The following PYGO1 variants were observed in gnomAD, a reference collection of about 807,000 sequenced individuals.
PYGO1 encodes the protein pygopus family PHD finger 1, also known as pygopus homolog 1.
In PYGO1, 6 loss-of-function variants were observed where a neutral mutation model predicts 29.5. That is an observed-to-expected ratio of 0.20 (90% CI 0.11 to 0.40). PYGO1 has a LOEUF of 0.40. PYGO1 is among the 10% of genes least tolerant of loss of function. The pLI is 1.00. For synonymous variants in PYGO1, 186 were observed against 180.5 expected, an observed-to-expected ratio of 1.03 and a Z score of -0.24; for missense variants, 515 against 514.9, an observed-to-expected ratio of 1.00 and a Z score of 0.00.
At chr15:55,552,992 G>A (rs553191980) in intron 1 of PYGO1, among the ~76,000 whole-genome samples, 1 of 152,204 alleles carries the variant, frequency 6.6e-6, no homozygotes, top group Admixed American at 6.5e-5. Flanking sequence ...GGCTGAGACA[G>A]AGCAAGTTCC....
intron 1 of PYGO1, among the ~76,000 whole-genome samples, chr15:55,572,965 G>A (rs2058986183): frequency 6.6e-6 from 1 of 150,426 alleles, no homozygotes. Context: ...TTGAGGTCAG[G>A]AGTTCAAGAT....
In PYGO1 at chr15:55,540,686, T is replaced by C. The variant is rs1567047275; in HGVS notation, c.*5337A>G. 1.3e-5 allele frequency: 2 copies of C among 152,146 alleles called. No homozygotes were observed. The highest frequency in any genetic ancestry group is 2.9e-5 in the Non-Finnish European group (2 of 67,994). The allele number at this position is 152,146 out of a possible 1,614,324, so 9.4% of individuals were successfully genotyped here. On this transcript the variant is annotated 3_prime_UTR_variant, in exon 3 of 3. Transcript: ENST00000563719. Reference sequence around the variant, plus strand: ...CCATAGGAATAAATGTTGGACAAAGTCTGGAAACATTTTTTTTTCCAATTT... The same window carrying C: ...CCATAGGAATAAATGTTGGACAAAGCCTGGAAACATTTTTTTTTCCAATTT...
At chr15:55,552,509 AGAGAAT>A (rs1275111133) in intron 1 of PYGO1, among the ~76,000 whole-genome samples, 1 of 152,096 alleles carries the variant, frequency 6.6e-6, no homozygotes, top group Non-Finnish European at 1.5e-5. Flanking sequence ...CTTGACCCAC[AGAGAAT>A]GAAGAAAAAT....
In PYGO1 at chr15:55,541,327, C is replaced by G. The variant is rs1389241105; in HGVS notation, c.*4696G>C. The G allele has an allele frequency of 3.3e-5, 5 of 151,966 alleles. No individual in the cohort carries two copies. The highest frequency in any genetic ancestry group is 9.7e-5 in the African/African-American group (4 of 41,342). The allele number at this position is 151,966 out of a possible 1,614,324, so 9.4% of individuals were successfully genotyped here. ...TTTTATAATGCTCTACTGGATGGAACAATAAGCTACTAAAAATTAGAAATG... is the reference window on the plus strand; with the variant it reads ...TTTTATAATGCTCTACTGGATGGAAGAATAAGCTACTAAAAATTAGAAATG... On this transcript the variant is annotated 3_prime_UTR_variant, in exon 3 of 3. Transcript: ENST00000563719.
intron 1 of PYGO1, among the ~76,000 whole-genome samples, chr15:55,574,705 G>A (rs1238544322): frequency 6.6e-6 from 1 of 151,752 alleles, no homozygotes; most frequent in African/African-American, 2.4e-5. Context: ...AAAGATATAT[G>A]ATATATAAAG....
intron 1 of PYGO1, among the ~76,000 whole-genome samples, chr15:55,552,496 C>A (rs1051273489): frequency 2.0e-5 from 3 of 151,458 alleles, no homozygotes; most frequent in Non-Finnish European, 4.4e-5. Context: ...ACCAAGTGAA[C>A]AACTTGACCC....
chr15:55,549,010 AT>A lies in PYGO1; in HGVS notation c.50-16del, dbSNP rs773043428. On this transcript the variant is annotated splice_polypyrimidine_tract_variant and intron_variant, in intron 1 of 2. Coordinates refer to ENST00000563719, the MANE Select transcript of PYGO1 (RefSeq NM_001367806.1). ...ACTATCACCACCTAAAAAAAAAAAA[AT>A]TCAGGTAATATTTCCCACTTGTAAG... 4.2e-3 allele frequency: 6,326 copies of A among 1,501,902 alleles called. No homozygotes were observed. The highest frequency in any genetic ancestry group is 5.5e-3 in the Middle Eastern group (31 of 5,624). The allele number at this position is 1,501,902 out of a possible 1,614,324, so 93.0% of individuals were successfully genotyped here. A position where few individuals can be genotyped will look rare whatever the true frequency, so the allele number is the denominator to read the frequency against.
chr15:55,588,641 G>A (rs956630750), upstream of PYGO1, among the ~76,000 whole-genome samples: 1 of 150,852 alleles, frequency 6.6e-6, no homozygotes, highest in African/African-American at 2.4e-5. Context: ...CCCGCCCCGC[G>A]CCCGGCGCTC....
intron 1 of PYGO1, among the ~76,000 whole-genome samples, chr15:55,569,390 A>C (rs1299745980): frequency 3.9e-5 from 6 of 151,906 alleles, no homozygotes; most frequent in African/African-American, 1.5e-4. Context: ...TTAATTTGAG[A>C]TCTTTCTAAC....
rs1247487952 is a variant in PYGO1, at chr15:55,539,447, T to TA, written c.*6575dup. ...CCTGGTCATTAACCAAAAAAAAAAA[T>TA]AAACAATTTGGGGTAATCTAGTCAT... On this transcript the variant is annotated 3_prime_UTR_variant, in exon 3 of 3. Transcript: ENST00000563719. 6.6e-6 allele frequency: 1 copy of TA among 151,480 alleles called. No homozygotes were observed. The highest frequency in any genetic ancestry group is 1.5e-5 in the Non-Finnish European group (1 of 67,736). The allele number at this position is 151,480 out of a possible 1,614,324, so 9.4% of individuals were successfully genotyped here.
intron 1 of PYGO1, among the ~76,000 whole-genome samples, chr15:55,578,333 A>C (rs907644786): frequency 5.9e-5 from 9 of 152,144 alleles, no homozygotes; most frequent in Admixed American, 5.9e-4. Flanking sequence ...TTTTTGTACA[A>C]GTTTTTGTAT....
In PYGO1 at chr15:55,539,882, CTTA is replaced by C. The variant is rs1438175723; in HGVS notation, c.*6138_*6140del. ...ATATACATCACTGACATAGTAAAAC[CTTA>C]TTAAGGATAATTTAAACTGATATGT... On this transcript the variant is annotated 3_prime_UTR_variant, in exon 3 of 3. Transcript: ENST00000563719. The C allele has an allele frequency of 2.9e-4, 44 of 151,856 alleles. No homozygotes were observed. The highest frequency in any genetic ancestry group is 2.6e-3 in the Admixed American group (40 of 15,244). 9.4% of individuals were successfully genotyped at this position (151,856 alleles called of 1,614,324 possible). A position where few individuals can be genotyped will look rare whatever the true frequency, so the allele number is the denominator to read the frequency against.
chr15:55,578,958 C>T (rs2059015059), intron 1 of PYGO1, among the ~76,000 whole-genome samples: 1 of 152,142 alleles, frequency 6.6e-6, no homozygotes. Flanking sequence ...AAGTCTTCCT[C>T]AGTGACTCAC....
At chr15:55,586,347 C>G (rs1425055830) in intron 1 of PYGO1, among the ~76,000 whole-genome samples, 5 of 152,220 alleles carry the variant, frequency 3.3e-5, no homozygotes, top group Non-Finnish European at 1.5e-5. Flanking sequence ...AGATCACTCA[C>G]TCTTATGCTC....
At chr15:55,547,302 CTAA>C (rs1006119319) in intron 2 of PYGO1, among the ~76,000 whole-genome samples, 155 bp from the exon 3 acceptor site, 10 of 152,136 alleles carry the variant, frequency 6.6e-5, no homozygotes, top group East Asian at 1.9e-4. Flanking sequence ...TCAATTTTGA[CTAA>C]TGTTTATATT....
At position 55,574,100 on chromosome 15, in the gene PYGO1, G is replaced by C. The variant is rs536125070; in HGVS notation, c.49+13735C>G. Among the ~76,000 whole-genome samples the C allele has an allele frequency of 7.9e-5, 12 of 152,264 alleles. No homozygotes were observed. The East Asian group carries it at 2.3e-3, about 29-fold the overall frequency. On this transcript the variant is annotated intron_variant, in intron 1 of 2. Coordinates refer to ENST00000563719, the MANE Select transcript of PYGO1 (RefSeq NM_001367806.1). ...AGTGGCACTTTATATGGGTCCCATGGTGTTATTTAAGGTTTATGGTACAGC... is the reference window on the plus strand; with the variant it reads ...AGTGGCACTTTATATGGGTCCCATGCTGTTATTTAAGGTTTATGGTACAGC...
At chr15:55,565,516 C>T (rs912749832) in intron 1 of PYGO1, among the ~76,000 whole-genome samples, 1 of 151,290 alleles carries the variant, frequency 6.6e-6, no homozygotes, top group Non-Finnish European at 1.5e-5. Flanking sequence ...CCAGCCTGAC[C>T]AACATGGTGA....
intron 1 of PYGO1, among the ~76,000 whole-genome samples, chr15:55,578,738 C>T (rs1226339413): frequency 6.6e-6 from 1 of 152,218 alleles, no homozygotes; most frequent in East Asian, 1.9e-4. Context: ...TTTATATATT[C>T]TGGGTACTAA....
At chr15:55,557,033 C>T (rs959522751) in intron 1 of PYGO1, among the ~76,000 whole-genome samples, 1 of 151,850 alleles carries the variant, frequency 6.6e-6, no homozygotes, top group South Asian at 2.1e-4. Flanking sequence ...CAGGACCAGA[C>T]AGATTTACAG....
Sources: allele counts gnomAD v4.1 joint callset (sites outside exome capture counted in the v4.1 genomes callset), GRCh38; gene constraint gnomAD v4.1.1; transcripts MANE v1.5; gene names NCBI Gene and HGNC (gene_info 2026-07-23, HGNC 2026-07-21).